The following UNC79 variants were observed in gnomAD, a reference collection of about 807,000 sequenced individuals.
UNC79 encodes the protein protein unc-79 homolog.
UNC79 carries 37 observed loss-of-function variants against 283.1 expected under a neutral mutation model. The ratio of observed to expected loss-of-function variants is 0.13; its 90% CI spans 0.10 to 0.17. The LOEUF is 0.17. Among genes scored for constraint, UNC79 ranks in the 10% least tolerant of loss-of-function variants. The probability of loss-of-function intolerance (pLI) is 1.00; values close to 1 mark genes in which losing one functional copy is unlikely to be tolerated. For missense variants in UNC79, 2,272 were observed against 3,211.1 expected (o/e 0.71, Z 7.07); for synonymous variants, 1,107 against 1,200.2 (o/e 0.92, Z 1.61).
intron 1 of UNC79, among the ~76,000 whole-genome samples, chr14:93,436,477 G>T (rs1245790334): frequency 6.6e-6 from 1 of 151,776 alleles, no homozygotes; most frequent in Non-Finnish European, 1.5e-5. Context: ...TTAGCACACA[G>T]CCAACTGTTT....
chr14:93,689,490 T>TTTC (rs1555405505), intron 44 of UNC79: 2 of 143,510 alleles, frequency 1.4e-5, no homozygotes, highest in African/African-American at 5.6e-5. Flanking sequence ...GAAATTTCTT[T>TTTC]TTTTTTTTTT....
intron 11 of UNC79, among the ~76,000 whole-genome samples, chr14:93,537,659 C>T (rs1188802348): frequency 1.3e-5 from 2 of 152,148 alleles, no homozygotes; most frequent in Non-Finnish European, 2.9e-5. Flanking sequence ...TGCTGAAAAA[C>T]TCTTGGAATG....
At chr14:93,637,368 C>T in intron 32 of UNC79, 69 bp downstream of exon 35, 1 of 1,589,900 alleles carries the variant, frequency 6.3e-7, no homozygotes, top group Non-Finnish European at 8.5e-7. Context: ...CATTTGGTCA[C>T]CCAGCAGGTG....
intron 48 of UNC79, 129 bp downstream of exon 51, chr14:93,704,795 T>C: frequency 8.3e-7 from 1 of 1,204,862 alleles, no homozygotes; most frequent in Non-Finnish European, 1.2e-6. Context: ...CTTAGAGGGC[T>C]GATAATGCAG....
At chr14:93,671,590 T>C (rs2072867684) in intron 40 of UNC79, among the ~76,000 whole-genome samples, 1 of 152,008 alleles carries the variant, frequency 6.6e-6, no homozygotes. Context: ...CTGACCAACA[T>C]GGAGAAACCC....
chr14:93,528,796 C>G (rs1379183865), intron 9 of UNC79, 150 bp downstream of exon 9: 1 of 733,240 alleles, frequency 1.4e-6, no homozygotes, highest in African/African-American at 1.8e-5. Flanking sequence ...TAACATATAG[C>G]AAACTTTCAC....
intron 1 of UNC79, among the ~76,000 whole-genome samples, chr14:93,360,462 G>C (rs2054197425): frequency 6.6e-6 from 1 of 152,166 alleles, no homozygotes; most frequent in African/African-American, 2.4e-5. Flanking sequence ...TGACTCCAAT[G>C]GCAGCTCTGT....
chr14:93,385,101 T>C (rs1056321537), intron 1 of UNC79, among the ~76,000 whole-genome samples: 3 of 152,220 alleles, frequency 2.0e-5, no homozygotes, highest in African/African-American at 7.2e-5. Flanking sequence ...AGTGTATAAG[T>C]CAGGTAATGT....
In UNC79 at chr14:93,500,504, C is replaced by T. The variant is rs571885383; in HGVS notation, c.898+3218C>T. On this transcript the variant is annotated intron_variant, in intron 7 of 48. Coordinates refer to ENST00000555664, the Ensembl canonical transcript of UNC79. The stretch of plus-strand genomic sequence containing the variant: ...TCCGGTCTATAGATTACTACTTATC[C>T]AGCACCGGCTGCTGGTCAGACATTG... Among the ~76,000 whole-genome samples the T allele has an allele frequency of 5.3e-5, 8 of 152,306 alleles. No homozygotes were observed. In the East Asian group the frequency reaches 1.5e-3, roughly 29 times the overall value.
At position 93,600,002 on chromosome 14, in the gene UNC79, C is replaced by T. The variant is rs528517711; in HGVS notation, c.3373-567C>T. Among the ~76,000 whole-genome samples the T allele has an allele frequency of 5.9e-5, 9 of 151,946 alleles. No homozygotes were observed. The South Asian group carries it at 1.5e-3, about 25-fold the overall frequency. On this transcript the variant is annotated intron_variant, in intron 24 of 48. Transcript: ENST00000555664. ...AGATCACGAGGTCAGGAGATCGAGA[C>T]CATCCGGCTAACACAGTGAAACCTC...
upstream of UNC79, among the ~76,000 whole-genome samples, chr14:93,428,928 A>T (rs1178345362): frequency 2.6e-4 from 40 of 152,008 alleles, no homozygotes; most frequent in Admixed American, 2.6e-3. Context: ...ACACCATTAT[A>T]CTCTCCCTTA....
At chr14:93,541,922 G>A (rs937186415) in intron 13 of UNC79, among the ~76,000 whole-genome samples, 1 of 149,950 alleles carries the variant, frequency 6.7e-6, no homozygotes, top group South Asian at 2.1e-4. Flanking sequence ...GGAGAATGGC[G>A]TGAACCCGGG....
At chr14:93,366,923 G>C (rs774871980) in intron 1 of UNC79, among the ~76,000 whole-genome samples, 3 of 152,052 alleles carry the variant, frequency 2.0e-5, no homozygotes, top group Non-Finnish European at 2.9e-5. Context: ...TAGGACTCTT[G>C]ATTCTTAACC....
intron 1 of UNC79, among the ~76,000 whole-genome samples, chr14:93,344,266 A>G (rs1191682924): frequency 6.6e-6 from 1 of 152,218 alleles, no homozygotes; most frequent in Non-Finnish European, 1.5e-5. Flanking sequence ...AAAATGGGGT[A>G]TTACCCAAAG....
chr14:93,662,657 C>T, exon 40 of UNC79: 1 of 1,612,450 alleles, frequency 6.2e-7, no homozygotes, highest in Non-Finnish European at 8.5e-7. Context: ...AGAATGCCGT[C>T]TTCACTCTGG....
chr14:93,681,774 C>G (rs1001546978), intron 41 of UNC79, among the ~76,000 whole-genome samples: 1 of 152,150 alleles, frequency 6.6e-6, no homozygotes, highest in Non-Finnish European at 1.5e-5. Context: ...ACTTTTTTTC[C>G]TAAGACTATT....
At chr14:93,586,467 A>G (rs1188147301) in intron 20 of UNC79, 129 bp from the exon 21 acceptor site, 2 of 722,498 alleles carry the variant, frequency 2.8e-6, no homozygotes, top group African/African-American at 3.6e-5. Flanking sequence ...GCAGATAAAA[A>G]GTTTTCTCAA....
At chr14:93,628,868 C>T (rs1005526430) in intron 30 of UNC79, among the ~76,000 whole-genome samples, 5 of 152,150 alleles carry the variant, frequency 3.3e-5, no homozygotes, top group African/African-American at 4.8e-5. Context: ...TACAGCAAGA[C>T]GTTTCTTTAA....
chr14:93,555,494 C>T (rs1215930924), intron 14 of UNC79, among the ~76,000 whole-genome samples: 1 of 152,132 alleles, frequency 6.6e-6, no homozygotes, highest in African/African-American at 2.4e-5. Flanking sequence ...ACCTCTGCTT[C>T]CTGGGTTCAG....
Sources: allele counts gnomAD v4.1 joint callset (sites outside exome capture counted in the v4.1 genomes callset), GRCh38; gene constraint gnomAD v4.1.1; transcripts MANE v1.5; gene names NCBI Gene and HGNC (gene_info 2026-07-23, HGNC 2026-07-21).